PHF21A: variants seen among roughly 807,000 people sequenced by gnomAD.
The protein encoded by PHF21A is PHD finger protein 21A.
PHF21A carries 11 observed loss-of-function variants against 82.5 expected under a neutral mutation model. The observed-to-expected ratio is 0.13, with a 90% CI of 0.08 to 0.22. The LOEUF (loss-of-function observed/expected upper bound fraction) is 0.22, where lower values mean the gene tolerates loss of function less well. PHF21A is among the 10% of genes least tolerant of loss of function. The pLI is 1.00. For missense variants in PHF21A, 579 were observed against 837.8 expected (o/e 0.69, Z 3.81); for synonymous variants, 297 against 302.8 (o/e 0.98, Z 0.20).
intron 9 of PHF21A, 84 bp downstream of exon 9, chr11:45,969,731 C>T: frequency 1.1e-6 from 1 of 871,418 alleles, no homozygotes; most frequent in Non-Finnish European, 1.9e-6. Flanking sequence ...GGCTGACAAG[C>T]CCCATTACAG....
chr11:46,079,043 A>T, intron 5 of PHF21A, 91 bp downstream of exon 5: 2 of 711,744 alleles, frequency 2.8e-6, no homozygotes, highest in Non-Finnish European at 4.6e-6. Context: ...CTTAAAAGTT[A>T]AGTACCATCT....
chr11:45,967,668 C>T (rs555606964), intron 9 of PHF21A, among the ~76,000 whole-genome samples: 21 of 152,310 alleles, frequency 1.4e-4, no homozygotes, highest in African/African-American at 5.0e-4. Flanking sequence ...ATGTCTGATG[C>T]TATCTTGCTC....
chr11:46,050,763 C>T (rs527485692), intron 6 of PHF21A, among the ~76,000 whole-genome samples: 31 of 152,252 alleles, frequency 2.0e-4, no homozygotes, highest in African/African-American at 7.0e-4. Flanking sequence ...ATTGAGGAAA[C>T]AGGAACACAT....
intron 6 of PHF21A, among the ~76,000 whole-genome samples, chr11:45,991,808 T>C (rs959631432): frequency 6.6e-6 from 1 of 152,244 alleles, no homozygotes; most frequent in African/African-American, 2.4e-5. Context: ...ACATTCCTGA[T>C]GTATATCTTT....
chr11:46,010,830 T>TA (rs577577700), intron 6 of PHF21A, among the ~76,000 whole-genome samples: 35 of 152,330 alleles, frequency 2.3e-4, no homozygotes, highest in African/African-American at 7.9e-4. Context: ...CTGAGGATAA[T>TA]AATGATCAGT....
chr11:46,046,323 G>A (rs536162731), intron 6 of PHF21A, among the ~76,000 whole-genome samples: 34 of 152,278 alleles, frequency 2.2e-4, no homozygotes, highest in Admixed American at 7.2e-4. Flanking sequence ...AGGCTAATAT[G>A]CAAGGGAAAC....
intron 7 of PHF21A, among the ~76,000 whole-genome samples, chr11:45,975,270 C>T (rs1272498346): frequency 6.6e-6 from 1 of 151,420 alleles, no homozygotes; most frequent in Non-Finnish European, 1.5e-5. Flanking sequence ...ACCGTAATTG[C>T]ACCATTGCAC....
chr11:45,957,575 A>G (rs2092731300), intron 10 of PHF21A, among the ~76,000 whole-genome samples: 1 of 152,050 alleles, frequency 6.6e-6, no homozygotes, highest in Admixed American at 6.5e-5. Flanking sequence ...ATTAGAAAAT[A>G]CTTTGAGAGA....
At chr11:46,107,399 C>A (rs1478885994) in intron 1 of PHF21A, among the ~76,000 whole-genome samples, 2 of 152,154 alleles carry the variant, frequency 1.3e-5, no homozygotes, top group African/African-American at 2.4e-5. Flanking sequence ...ATAAAATACT[C>A]TGTAGGACAT....
intron 6 of PHF21A, among the ~76,000 whole-genome samples, chr11:45,987,660 C>CAAAAA (rs71038877): frequency 5.7e-5 from 2 of 34,896 alleles, no homozygotes; most frequent in Non-Finnish European, 8.8e-5. Flanking sequence ...GACCCCGTCT[C>CAAAAA]AAAAAAAAAA....
At chr11:45,966,357 C>T (rs1376960108) in intron 9 of PHF21A, among the ~76,000 whole-genome samples, 1 of 152,194 alleles carries the variant, frequency 6.6e-6, no homozygotes, top group Non-Finnish European at 1.5e-5. Flanking sequence ...CTTTTCTTGA[C>T]AAATTTTGGA....
At chr11:46,067,455 G>A (rs1160451862) in intron 6 of PHF21A, among the ~76,000 whole-genome samples, 2 of 152,156 alleles carry the variant, frequency 1.3e-5, no homozygotes, top group Non-Finnish European at 2.9e-5. Context: ...TCATTTACTA[G>A]TTTATACAAC....
rs1446591330 is a variant in PHF21A at position 46,024,617 on chromosome 11, TG to T, written c.154-44652del. On this transcript the variant is annotated intron_variant, in intron 6 of 18. Transcript: ENST00000676320. ...GAGTTCAAGACCAGCCTGACCACAATGGTGAAACCCCATCTCTACTAAAAAT... is the reference window on the plus strand; with the variant it reads ...GAGTTCAAGACCAGCCTGACCACAATGTGAAACCCCATCTCTACTAAAAAT... Among the ~76,000 whole-genome samples the T allele has an allele frequency of 2.0e-5, 3 of 152,068 alleles. No homozygotes were observed. In the East Asian group the frequency reaches 5.8e-4, roughly 29 times the overall value.
At position 46,012,726 on chromosome 11, in the gene PHF21A, T is replaced by A. The variant is rs537101139; in HGVS notation, c.154-32760A>T. 7.9e-5 allele frequency among the ~76,000 whole-genome samples: 12 copies of A among 152,318 alleles called. No individual in the cohort carries two copies. The South Asian group carries it at 2.5e-3, about 32-fold the overall frequency. On this transcript the variant is annotated intron_variant, in intron 6 of 18. Coordinates refer to ENST00000676320, the MANE Select transcript of PHF21A (RefSeq NM_001352027.3). Reference sequence around the variant, plus strand: ...TGCAACCCTACACCCACATTTCTAATTCTATCTTAATATCCCACCAACAAC... The same window carrying A: ...TGCAACCCTACACCCACATTTCTAAATCTATCTTAATATCCCACCAACAAC...
In PHF21A at chr11:45,958,429, T is replaced by A. The variant is rs1291710271; in HGVS notation, c.997-4804A>T. On this transcript the variant is annotated intron_variant, in intron 10 of 18. Transcript: ENST00000676320. Reference sequence around the variant, plus strand: ...AAAAAAAAAAAAAAAAATATATATATATATATATATATATATATATACACA... The same window carrying A: ...AAAAAAAAAAAAAAAAATATATATAAATATATATATATATATATATACACA... Among the ~76,000 whole-genome samples, 54 of 16,388 alleles carry A rather than the reference T, an allele frequency of 3.3e-3. 1 individual carries two copies. The highest frequency in any genetic ancestry group is 0.025 in the East Asian group (2 of 80). 10.8% of individuals were successfully genotyped at this position (16,388 alleles called of 152,430 possible). A position where few individuals can be genotyped will look rare whatever the true frequency, so the allele number is the denominator to read the frequency against.
At position 45,986,207 on chromosome 11, in the gene PHF21A, T is replaced by C. The variant is rs1428271542; in HGVS notation, c.154-6241A>G. Among the ~76,000 whole-genome samples, 8 of 152,082 alleles carry C rather than the reference T, an allele frequency of 5.3e-5. No homozygotes were observed. In the East Asian group the frequency reaches 1.5e-3, roughly 29 times the overall value. On this transcript the variant is annotated intron_variant, in intron 6 of 18. Coordinates refer to ENST00000676320, the MANE Select transcript of PHF21A (RefSeq NM_001352027.3). ...TTTACAGTCCATCTCTCTAAAAATT[T>C]AGACTTTAGACCTTTTATTTGCTAG...
chr11:45,989,080 C>G (rs530308312), intron 6 of PHF21A, among the ~76,000 whole-genome samples: 1 of 152,226 alleles, frequency 6.6e-6, no homozygotes, highest in East Asian at 1.9e-4. Flanking sequence ...GTGCAAGTTC[C>G]TCACAAGTGC....
At chr11:45,934,524 T>A in intron 18 of PHF21A, 3 of 317,596 alleles carry the variant, frequency 9.4e-6, no homozygotes, top group Non-Finnish European at 1.7e-5. Flanking sequence ...AGAGCCGCCA[T>A]CAGACTTCCA....
intron 6 of PHF21A, among the ~76,000 whole-genome samples, chr11:46,041,392 T>C (rs773855356): frequency 6.6e-6 from 1 of 152,216 alleles, no homozygotes; most frequent in Non-Finnish European, 1.5e-5. Context: ...TTTCGAGCAA[T>C]AACATTTTTT....
Sources: allele counts gnomAD v4.1 joint callset (sites outside exome capture counted in the v4.1 genomes callset), GRCh38; gene constraint gnomAD v4.1.1; transcripts MANE v1.5; gene names NCBI Gene and HGNC (gene_info 2026-07-23, HGNC 2026-07-21).